ARRB1: variants seen among roughly 807,000 people sequenced by gnomAD.
ARRB1 encodes beta-arrestin-1.
ARRB1 carries 21 observed loss-of-function variants against 56.8 expected under a neutral mutation model. That is an observed-to-expected ratio of 0.37 (90% confidence interval 0.26 to 0.53). ARRB1 has a LOEUF of 0.53. Ranked by LOEUF, ARRB1 falls within the 20% of genes least tolerant of loss-of-function variation. ARRB1 has a pLI of 0.88. For synonymous variants in ARRB1, 210 were observed against 218.6 expected (o/e 0.96, Z 0.35); for missense variants, 424 against 553.7 (o/e 0.77, Z 2.35).
Position 75,266,131 on chromosome 11 carries a change from G to T in ARRB1, c.*32C>A. On this transcript the variant is annotated 3_prime_UTR_variant, in exon 16 of 16. Coordinates refer to ENST00000420843, the MANE Select transcript of ARRB1 (RefSeq NM_004041.5). ...AAGCATCCGAGTGCACGAGAGTGGAGCCGGAGCCACGTGGAGGCAGGGCCG... is the reference window on the plus strand; with the variant it reads ...AAGCATCCGAGTGCACGAGAGTGGATCCGGAGCCACGTGGAGGCAGGGCCG... The T allele has an allele frequency of 1.3e-6, 2 of 1,545,280 alleles. No homozygotes were observed. The highest frequency in any genetic ancestry group is 1.8e-6 in the Non-Finnish European group (2 of 1,117,436).
intron 1 of ARRB1, among the ~76,000 whole-genome samples, chr11:75,335,733 G>A (rs1035432351): frequency 2.6e-5 from 4 of 152,050 alleles, no homozygotes; most frequent in Non-Finnish European, 5.9e-5. Flanking sequence ...TGGAATCCTG[G>A]GCCTGGAATC....
chr11:75,287,779 G>A lies in ARRB1; in HGVS notation c.52-404C>T, dbSNP rs978185627. ...CTGAGCCCTCAGAGGCTCTGAACGCGGGCCGCGCTGTGTTCTTCAGTTGCT... is the reference window on the plus strand; with the variant it reads ...CTGAGCCCTCAGAGGCTCTGAACGCAGGCCGCGCTGTGTTCTTCAGTTGCT... On this transcript the variant is annotated intron_variant, in intron 2 of 15. Transcript: ENST00000420843. Among the ~76,000 whole-genome samples the A allele has an allele frequency of 3.1e-4, 47 of 152,210 alleles. 1 individual carries two copies. The highest frequency in any genetic ancestry group is 8.8e-5 in the Non-Finnish European group (6 of 68,032).
intron 1 of ARRB1, among the ~76,000 whole-genome samples, chr11:75,313,696 C>A (rs557631876): frequency 1.3e-5 from 2 of 151,706 alleles, no homozygotes; most frequent in Non-Finnish European, 3.0e-5. Context: ...AATGAAATCC[C>A]CTACTTAGCT....
intron 12 of ARRB1, 63 bp from the exon 13 acceptor site, chr11:75,271,787 A>G: frequency 6.6e-7 from 1 of 1,517,110 alleles, no homozygotes; most frequent in Non-Finnish European, 8.9e-7. Flanking sequence ...AAGAAAACAA[A>G]AAGCACATTC....
chr11:75,349,856 C>T (rs910796749), intron 1 of ARRB1, among the ~76,000 whole-genome samples: 1 of 152,240 alleles, frequency 6.6e-6, no homozygotes, highest in African/African-American at 2.4e-5. Flanking sequence ...CCTGGGCCTC[C>T]AGCACAGAGC....
chr11:75,291,558 C>T (rs1445433561), intron 1 of ARRB1, among the ~76,000 whole-genome samples: 1 of 152,132 alleles, frequency 6.6e-6, no homozygotes, highest in African/African-American at 2.4e-5. Flanking sequence ...ACTTGCCTTC[C>T]GTATCTCCTC....
intron 1 of ARRB1, among the ~76,000 whole-genome samples, chr11:75,326,298 G>A (rs933947797): frequency 5.9e-5 from 9 of 152,216 alleles, no homozygotes; most frequent in Admixed American, 3.9e-4. Flanking sequence ...CTGGCACAGC[G>A]TGGGTGTGCA....
At chr11:75,331,952 C>T (rs1057101844) in intron 1 of ARRB1, among the ~76,000 whole-genome samples, 4 of 152,110 alleles carry the variant, frequency 2.6e-5, no homozygotes, top group Admixed American at 2.0e-4. Context: ...TGAAAATGGC[C>T]GGTTCCTGCC....
chr11:75,287,045 A>G (rs147289743), intron 3 of ARRB1, among the ~76,000 whole-genome samples: 1,878 of 152,248 alleles, frequency 0.012, 140 homozygotes, highest in Admixed American at 0.11. Flanking sequence ...CCTTATAGTA[A>G]GTGGCGGTGT....
chr11:75,266,313 G>C, intron 15 of ARRB1, 39 bp from the exon 16 acceptor site: 2 of 1,558,268 alleles, frequency 1.3e-6, no homozygotes, highest in South Asian at 2.2e-5. Context: ...GTGTTTGCAG[G>C]GGCAGGGAGA....
intron 13 of ARRB1, among the ~76,000 whole-genome samples, chr11:75,270,698 T>C (rs539430444): frequency 6.6e-6 from 1 of 151,688 alleles, no homozygotes; most frequent in East Asian, 1.9e-4. Context: ...GAGGCTGAGT[T>C]GGGAGGATGG....
At position 75,263,049 on chromosome 11, in the gene ARRB1, C is replaced by T. The variant is rs945777034; in HGVS notation, c.*3114G>A. The stretch of plus-strand genomic sequence containing the variant: ...CCTGCCCGGACCGGTGTCCACACGC[C>T]ACCCACAGGGCACACTGCAAAGTCC... On this transcript the variant is annotated 3_prime_UTR_variant, in exon 16 of 16. Transcript: ENST00000420843. Among the ~76,000 whole-genome samples, 2 of 152,248 alleles carry T rather than the reference C, an allele frequency of 1.3e-5. No individual in the cohort carries two copies. The highest frequency in any genetic ancestry group is 4.8e-5 in the African/African-American group (2 of 41,474).
intron 1 of ARRB1, among the ~76,000 whole-genome samples, chr11:75,339,456 A>G (rs1309830332): frequency 1.3e-5 from 2 of 152,246 alleles, no homozygotes; most frequent in African/African-American, 4.8e-5. Context: ...AGATGAAACC[A>G]GTGCCTGACA....
chr11:75,300,531 G>A (rs543277999), intron 1 of ARRB1, among the ~76,000 whole-genome samples: 23 of 152,220 alleles, frequency 1.5e-4, no homozygotes, highest in Admixed American at 3.3e-4. Flanking sequence ...TCTGTCTGGG[G>A]AGTCAAAAAA....
intron 1 of ARRB1, among the ~76,000 whole-genome samples, chr11:75,332,706 C>T (rs2056839272): frequency 6.6e-6 from 1 of 152,076 alleles, no homozygotes; most frequent in African/African-American, 2.4e-5. Flanking sequence ...ACCAGCCTGG[C>T]CAATATGGTG....
chr11:75,309,052 C>G (rs1947099646), intron 1 of ARRB1, among the ~76,000 whole-genome samples: 1 of 152,256 alleles, frequency 6.6e-6, no homozygotes, highest in Non-Finnish European at 1.5e-5. Context: ...AGAAAAGTTA[C>G]CCAGTTCAGG....
chr11:75,290,958 C>G lies in ARRB1; in HGVS notation c.21-919G>C, dbSNP rs144801830. On this transcript the variant is annotated intron_variant, in intron 1 of 15. Coordinates refer to ENST00000420843, the MANE Select transcript of ARRB1 (RefSeq NM_004041.5). ...ATTTTGCTTGTTTATTATGTGTCTACTCTGCTAATATGTCACTCCACGAGG... is the reference window on the plus strand; with the variant it reads ...ATTTTGCTTGTTTATTATGTGTCTAGTCTGCTAATATGTCACTCCACGAGG... Among the ~76,000 whole-genome samples the G allele has an allele frequency of 1.4e-4, 22 of 152,272 alleles. No individual in the cohort carries two copies. The East Asian group carries it at 3.5e-3, about 24-fold the overall frequency.
chr11:75,349,585 C>T (rs550174229), intron 1 of ARRB1, among the ~76,000 whole-genome samples: 51 of 152,300 alleles, frequency 3.3e-4, no homozygotes, highest in South Asian at 1.0e-3. Flanking sequence ...TGAGTCACTC[C>T]GATCACAAGG....
chr11:75,324,574 C>T (rs531363641), intron 1 of ARRB1, among the ~76,000 whole-genome samples: 5 of 152,236 alleles, frequency 3.3e-5, no homozygotes, highest in Non-Finnish European at 5.9e-5. Flanking sequence ...CCCTGATCAC[C>T]GTTGCCGAGC....
Sources: gnomAD v4.1 joint callset for allele counts (sites outside exome capture counted in the v4.1 genomes callset) on GRCh38, gnomAD v4.1.1 for gene constraint, MANE v1.5 for transcripts, NCBI Gene and HGNC (gene_info 2026-07-23, HGNC 2026-07-21) for gene names.